Variants in MAPK6 observed in about 807,000 individuals in gnomAD.
MAPK6 encodes ERK-3.
A neutral mutation model predicts 59.3 loss-of-function variants in MAPK6; 19 were observed. The ratio of observed to expected loss-of-function variants is 0.32; its 90% CI spans 0.22 to 0.47. The LOEUF is 0.47. MAPK6 is among the 20% of genes least tolerant of loss of function. The probability of loss-of-function intolerance (pLI) is 1.00; values close to 1 mark genes in which losing one functional copy is unlikely to be tolerated. For synonymous variants in MAPK6, 316 were observed against 290.3 expected, an observed-to-expected ratio of 1.09 and a Z score of -0.90; for missense variants, 724 against 847.9, an observed-to-expected ratio of 0.85 and a Z score of 1.81.
intron 2 of MAPK6, among the ~76,000 whole-genome samples, chr15:51,997,583 T>C (rs2057228437): frequency 6.6e-6 from 1 of 150,378 alleles, no homozygotes; most frequent in African/African-American, 2.5e-5. Flanking sequence ...AGTTATTTTC[T>C]TTCTTTCTTT....
intron 1 of MAPK6, among the ~76,000 whole-genome samples, chr15:52,040,025 G>C (rs79989717): frequency 0.031 from 4,754 of 152,234 alleles, 118 homozygotes; most frequent in Non-Finnish European, 0.049. Flanking sequence ...AATCCTGAAA[G>C]GGCCCCTGAT....
At chr15:52,025,577 C>T (rs895021940) in intron 1 of MAPK6, among the ~76,000 whole-genome samples, 10 of 152,022 alleles carry the variant, frequency 6.6e-5, no homozygotes, top group African/African-American at 1.9e-4. Context: ...CTGAGGCGGG[C>T]GGATCACGAG....
chr15:52,032,818 G>A (rs1052959266), intron 1 of MAPK6, among the ~76,000 whole-genome samples: 1 of 152,148 alleles, frequency 6.6e-6, no homozygotes, highest in African/African-American at 2.4e-5. Context: ...CCTAGCAGCT[G>A]GGATTACAGG....
intron 1 of MAPK6, among the ~76,000 whole-genome samples, chr15:51,982,829 TC>T (rs1292881592): frequency 6.6e-6 from 1 of 152,226 alleles, no homozygotes; most frequent in Non-Finnish European, 1.5e-5. Context: ...TTAAATTTTT[TC>T]TTGGGCTCCA....
At chr15:52,039,509 C>CTTTTTTTT (rs11341546) in intron 1 of MAPK6, among the ~76,000 whole-genome samples, 2 of 85,880 alleles carry the variant, frequency 2.3e-5, no homozygotes, top group Non-Finnish European at 4.8e-5. Flanking sequence ...AGTGTTTTGT[C>CTTTTTTTT]TTTTTTTTTT....
chr15:52,051,523 C>T (rs1198568269), intron 3 of MAPK6, among the ~76,000 whole-genome samples: 1 of 152,122 alleles, frequency 6.6e-6, no homozygotes, highest in East Asian at 1.9e-4. Flanking sequence ...ATGTTAATGC[C>T]AGTACTTAGT....
intron 2 of MAPK6, among the ~76,000 whole-genome samples, chr15:51,997,271 C>T (rs2057227212): frequency 7.1e-6 from 1 of 140,974 alleles, no homozygotes; most frequent in Non-Finnish European, 1.5e-5. Context: ...GCCACTGTGC[C>T]TAGCAATTTT....
intron 3 of MAPK6, among the ~76,000 whole-genome samples, chr15:52,012,516 T>C (rs1039018853): frequency 6.6e-6 from 1 of 152,194 alleles, no homozygotes; most frequent in Non-Finnish European, 1.5e-5. Flanking sequence ...ATCCTGGTCC[T>C]TTTCAAATGA....
chr15:51,989,137 T>C (rs555538194), intron 2 of MAPK6, among the ~76,000 whole-genome samples: 1 of 150,728 alleles, frequency 6.6e-6, no homozygotes, highest in Non-Finnish European at 1.5e-5. Flanking sequence ...TGGAGTACAA[T>C]GGCATGATCT....
At chr15:52,045,699 T>TA (rs1474558222) in intron 1 of MAPK6, 131 bp from the exon 2 acceptor site, 1 of 152,560 alleles carries the variant, frequency 6.6e-6, no homozygotes, top group Non-Finnish European at 1.5e-5. Flanking sequence ...ATTTGTCACT[T>TA]AATGACCATA....
intron 1 of MAPK6, among the ~76,000 whole-genome samples, chr15:51,982,883 C>T (rs1215996145): frequency 6.6e-6 from 1 of 152,122 alleles, no homozygotes; most frequent in Non-Finnish European, 1.5e-5. Context: ...GATTTTACTT[C>T]CTTGACTGCA....
intron 1 of MAPK6, among the ~76,000 whole-genome samples, chr15:52,034,771 C>T (rs1310058046): frequency 6.6e-6 from 1 of 152,172 alleles, no homozygotes; most frequent in Non-Finnish European, 1.5e-5. Context: ...GATCTCAGCT[C>T]ACTACAACCT....
intron 2 of MAPK6, among the ~76,000 whole-genome samples, chr15:52,002,498 T>C (rs2141825092): frequency 6.6e-6 from 1 of 152,252 alleles, no homozygotes; most frequent in East Asian, 1.9e-4. Context: ...GTGTACAGGA[T>C]ATTTATTAGG....
At chr15:52,058,439 A>T (rs1019690969) in intron 3 of MAPK6, among the ~76,000 whole-genome samples, 194 bp from the exon 4 acceptor site, 1 of 152,194 alleles carries the variant, frequency 6.6e-6, no homozygotes, top group African/African-American at 2.4e-5. Context: ...AGCAGCAAAA[A>T]CTAAATACAT....
At chr15:51,979,561 G>A (rs553911157) in intron 1 of MAPK6, among the ~76,000 whole-genome samples, 6 of 151,806 alleles carry the variant, frequency 4.0e-5, no homozygotes, top group African/African-American at 1.4e-4. Flanking sequence ...GGGAGGCCAA[G>A]GTGGGCGGAT....
At chr15:52,034,271 C>T (rs1273841369) in intron 1 of MAPK6, among the ~76,000 whole-genome samples, 3 of 152,072 alleles carry the variant, frequency 2.0e-5, no homozygotes, top group Non-Finnish European at 4.4e-5. Flanking sequence ...AGGCGTGAGC[C>T]ACCATGCCCG....
At chr15:52,027,361 A>AAAAAAAAAAAAAAG (rs2030838418) in intron 1 of MAPK6, among the ~76,000 whole-genome samples, 1 of 148,536 alleles carries the variant, frequency 6.7e-6, no homozygotes, top group Admixed American at 6.8e-5. Flanking sequence ...AAAAAAAAAA[A>AAAAAAAAAAAAAAG]AAAAAAAGAA....
At position 52,058,612 on chromosome 15, in the gene MAPK6, T is replaced by C. The variant is rs1398712228; in HGVS notation, c.701-21T>C. On this transcript the variant is annotated intron_variant, in intron 3 of 5. Coordinates refer to ENST00000261845, the MANE Select transcript of MAPK6 (RefSeq NM_002748.4). ...AGTAAACATTGAGGAATGTGTTTTT[T>C]TGTTTGTTTTTTAACCTCAGGTGCA... 1.9e-6 allele frequency: 3 copies of C among 1,571,494 alleles called. No individual in the cohort carries two copies. In the South Asian group the frequency reaches 3.5e-5, roughly 18 times the overall value.
chr15:52,031,813 A>C (rs2031045280), intron 1 of MAPK6, among the ~76,000 whole-genome samples: 1 of 152,188 alleles, frequency 6.6e-6, no homozygotes, highest in Non-Finnish European at 1.5e-5. Context: ...AGCTTGGGCA[A>C]GCGAGATCCT....
Sources: allele counts gnomAD v4.1 joint callset (sites outside exome capture counted in the v4.1 genomes callset), GRCh38; gene constraint gnomAD v4.1.1; transcripts MANE v1.5; gene names NCBI Gene and HGNC (gene_info 2026-07-23, HGNC 2026-07-21).